Variants in SKIL observed in about 807,000 individuals in gnomAD.
The protein encoded by SKIL is ski-like protein.
Under a neutral mutation model 69.6 loss-of-function variants are expected in SKIL, and 20 were observed. That is an observed-to-expected ratio of 0.29 (90% CI 0.20 to 0.42). The LOEUF (loss-of-function observed/expected upper bound fraction) is 0.42, where lower values mean the gene tolerates loss of function less well. Ranked by LOEUF, SKIL falls within the 10% of genes least tolerant of loss-of-function variation. The probability of loss-of-function intolerance (pLI) is 1.00; values close to 1 mark genes in which losing one functional copy is unlikely to be tolerated. For missense variants in SKIL, 745 were observed against 783.1 expected, an observed-to-expected ratio of 0.95 and a Z score of 0.58; for synonymous variants, 310 against 279.9, an observed-to-expected ratio of 1.11 and a Z score of -1.08.
Position 170,390,419 on chromosome 3 carries a change from G to A in SKIL, c.1626G>A (p.Gln542=), listed in dbSNP as rs767517813. Residue 542 remains glutamine, a synonymous_variant, in exon 5 of 7, where the codon CAG becomes CAA. Transcript: ENST00000259119. Reference sequence around the variant, plus strand: ...TAATGAGAACTTATTTAAAACAACAGGAAAAACTAAACTTGATTTTGCAAA... The same window carrying A: ...TAATGAGAACTTATTTAAAACAACAAGAAAAACTAAACTTGATTTTGCAAA... ...EEVMRTYLKQ[Q]EKLNLILQKK... 2 of 1,612,586 alleles carry A rather than the reference G, an allele frequency of 1.2e-6. No homozygotes were observed. Among genetic ancestry groups the A allele is most frequent in the South Asian group, 1.1e-5 (1 of 91,034 alleles).
At chr3:170,372,968 GTTTTTAGAAATAATTTTCAATT>G (rs1406496479) in intron 2 of SKIL, among the ~76,000 whole-genome samples, 4 of 146,308 alleles carry the variant, frequency 2.7e-5, no homozygotes, top group Non-Finnish European at 6.0e-5. Context: ...TAAAAATTCT[GTTTTTAGAAATAATTTTCAATT>G]TTTTTTTTTT....
At chr3:170,373,377 C>T (rs762656801) in intron 2 of SKIL, among the ~76,000 whole-genome samples, 1 of 150,004 alleles carries the variant, frequency 6.7e-6, no homozygotes, top group Non-Finnish European at 1.5e-5. Flanking sequence ...CAGGGTTTCA[C>T]CATGTTGGCC....
intron 2 of SKIL, among the ~76,000 whole-genome samples, chr3:170,378,084 G>A (rs955005891): frequency 6.6e-6 from 1 of 151,306 alleles, no homozygotes; most frequent in African/African-American, 2.4e-5. Context: ...AGTAAGACAG[G>A]GTTTCACTAT....
At chr3:170,370,396 A>C (rs547582192) in intron 2 of SKIL, among the ~76,000 whole-genome samples, 89 of 139,562 alleles carry the variant, frequency 6.4e-4, no homozygotes, top group African/African-American at 2.1e-3. Context: ...TAATATTTCT[A>C]TATATACATA....
chr3:170,388,394 A>G (rs1737754530), intron 4 of SKIL, among the ~76,000 whole-genome samples: 1 of 151,970 alleles, frequency 6.6e-6, no homozygotes, highest in African/African-American at 2.4e-5. Flanking sequence ...TATTCTGGAT[A>G]CTGGATCCTT....
Position 170,379,484 on chromosome 3 carries a change from C to CCCT in SKIL, c.1099-1759_1099-1758insCTC, listed in dbSNP as rs1553854058. 8.6e-5 allele frequency among the ~76,000 whole-genome samples: 13 copies of CCCT among 151,808 alleles called. No individual in the cohort carries two copies. In the East Asian group the frequency reaches 1.9e-3, roughly 23 times the overall value. The stretch of plus-strand genomic sequence containing the variant: ...TCCCTTACCAGTGAGTCTTGCCCCC[C>CCCT]CTTTTAAGTATCCTTTTCCCACAAA... On this transcript the variant is annotated intron_variant, in intron 2 of 6. Coordinates refer to ENST00000259119, the MANE Select transcript of SKIL (RefSeq NM_005414.5).
Position 170,391,324 on chromosome 3 carries a change from C to CTT in SKIL, c.1896+75_1896+76dup, listed in dbSNP as rs879356232. On this transcript the variant is annotated intron_variant, in intron 6 of 6. Coordinates refer to ENST00000259119, the MANE Select transcript of SKIL (RefSeq NM_005414.5). Reference sequence around the variant, plus strand: ...TGGAAATGGAAACTGTTACTTCTCTCTTTTTTTTTTTTGAGACAGAGACTG... The same window carrying CTT: ...TGGAAATGGAAACTGTTACTTCTCTCTTTTTTTTTTTTTTGAGACAGAGACTG... 572 of 739,426 alleles carry CTT rather than the reference C, an allele frequency of 7.7e-4. 1 individual carries two copies. The African/African-American group carries it at 7.8e-3, about 10-fold the overall frequency. The allele number at this position is 739,426 out of a possible 1,614,324, so 45.8% of individuals were successfully genotyped here.
rs1736188711 is a variant in SKIL at position 170,360,815 on chromosome 3, GAA to G, written c.487_488del (p.Lys163GlufsTer25). On this transcript the variant is annotated frameshift_variant, in exon 2 of 7. Coordinates refer to ENST00000259119, the MANE Select transcript of SKIL (RefSeq NM_005414.5). LOFTEE classifies it high-confidence loss of function. Reference protein sequence around the residue: ...ESISCFQVGGEKRLCLPQVLN... With the variant: ...ESISCFQVGGXKRLCLPQVLN... ...TATTTCTTGTTTTCAAGTTGGAGGA[GAA>G]AAGAGACTCTGTTTGCCCCAAGTCT... 1 of 1,614,058 alleles carries G rather than the reference GAA, an allele frequency of 6.2e-7. No individual in the cohort carries two copies. The highest frequency in any genetic ancestry group is 1.3e-5 in the African/African-American group (1 of 74,920).
rs1319953427 is a variant in SKIL at position 170,360,939 on chromosome 3, A to G, written c.608A>G (p.His203Arg). The G allele has an allele frequency of 2.5e-6, 4 of 1,614,084 alleles. No homozygotes were observed. Among genetic ancestry groups the G allele is most frequent in the East Asian group, 2.2e-5 (1 of 44,904 alleles). ...YCSRCTSDQL[H>R]ILKVLGILPF... ...TCAAGGTGTACTTCAGACCAGCTTC[A>G]TATCTTAAAGGTACTGGGCATACTT... The change falls in exon 2 of 7, where the codon CAT becomes CGT. Residue 203 changes from histidine (H) to arginine (R), a missense_variant. Transcript: ENST00000259119.
At chr3:170,383,291 A>T (rs1470513031) in intron 3 of SKIL, among the ~76,000 whole-genome samples, 1 of 152,148 alleles carries the variant, frequency 6.6e-6, no homozygotes, top group African/African-American at 2.4e-5. Context: ...TAAACCTGTC[A>T]ATTTTCTTGT....
chr3:170,392,197 A>T, intron 6 of SKIL, 62 bp from the exon 7 acceptor site: 1 of 1,283,042 alleles, frequency 7.8e-7, no homozygotes, highest in East Asian at 2.4e-5. Context: ...ATTTTCTATG[A>T]TATGAGGATT....
At chr3:170,378,201 C>T (rs1737132657) in intron 2 of SKIL, among the ~76,000 whole-genome samples, 1 of 152,156 alleles carries the variant, frequency 6.6e-6, no homozygotes, top group South Asian at 2.1e-4. Flanking sequence ...TATTTTTGTC[C>T]TTTAGTTGGC....
intron 5 of SKIL, 103 bp from the exon 6 acceptor site, chr3:170,390,933 A>G: frequency 1.5e-6 from 1 of 647,678 alleles, no homozygotes; most frequent in East Asian, 2.7e-5. Context: ...ACTGATAATG[A>G]TAGCTGAATT....
chr3:170,375,464 G>C (rs1447735469), intron 2 of SKIL, among the ~76,000 whole-genome samples: 1 of 151,936 alleles, frequency 6.6e-6, no homozygotes, highest in African/African-American at 2.4e-5. Flanking sequence ...TTCAAGTCAA[G>C]GTCTTTGAGC....
In SKIL at chr3:170,360,360, T is replaced by C; in HGVS notation, c.29T>C (p.Leu10Ser). 1 of 1,568,436 alleles carries C rather than the reference T, an allele frequency of 6.4e-7. No homozygotes were observed. The highest frequency in any genetic ancestry group is 8.6e-7 in the Non-Finnish European group (1 of 1,161,002). The stretch of plus-strand genomic sequence containing the variant: ...GAAAACCTCCAGACAAATTTCTCCT[T>C]GGTTCAGGGCTCAACTAAAAAACTG... MENLQTNFS[L>S]VQGSTKKLNG... The change falls in exon 2 of 7, where the codon TTG becomes TCG. Residue 10 changes from leucine (L) to serine (S), a missense_variant. Transcript: ENST00000259119.
intron 2 of SKIL, among the ~76,000 whole-genome samples, chr3:170,369,407 A>G (rs910142759): frequency 4.6e-5 from 7 of 152,132 alleles, no homozygotes; most frequent in African/African-American, 1.7e-4. Flanking sequence ...GAATTGGGCT[A>G]ATTTTTTTTT....
chr3:170,361,087 G>T lies in SKIL; in HGVS notation c.756G>T (p.Leu252Phe). The T allele has an allele frequency of 1.2e-6, 2 of 1,614,184 alleles. No individual in the cohort carries two copies. The highest frequency in any genetic ancestry group is 1.7e-6 in the Non-Finnish European group (2 of 1,180,040). The change falls in exon 2 of 7, where the codon TTG (leucine) becomes TTT (phenylalanine). Residue 252 changes from leucine to phenylalanine, a missense_variant. Transcript: ENST00000259119. ...NGSVLPAKSS[L>F]AQLKETGSAF... ...GCGTACTTCCTGCTAAAAGCTCATT[G>T]GCCCAGTTAAAGGAAACTGGCAGTG...
intron 2 of SKIL, among the ~76,000 whole-genome samples, chr3:170,376,685 C>T (rs928300850): frequency 7.2e-5 from 11 of 152,086 alleles, no homozygotes; most frequent in Admixed American, 3.3e-4. Context: ...AAGTGATCCT[C>T]CTGCCTTAGC....
At chr3:170,375,706 C>T (rs1736997831) in intron 2 of SKIL, among the ~76,000 whole-genome samples, 1 of 152,078 alleles carries the variant, frequency 6.6e-6, no homozygotes, top group Non-Finnish European at 1.5e-5. Context: ...CCCTGAGTAG[C>T]TGAGACTACA....
Sources: allele counts gnomAD v4.1 joint callset (sites outside exome capture counted in the v4.1 genomes callset), GRCh38; gene constraint gnomAD v4.1.1; transcripts MANE v1.5; gene names NCBI Gene and HGNC (gene_info 2026-07-23, HGNC 2026-07-21).